The following C1orf21 variants were observed in gnomAD, a reference collection of about 807,000 sequenced individuals.
C1orf21 encodes the protein chromosome 1 open reading frame 21.
In C1orf21, 3 loss-of-function variants were observed where a neutral mutation model predicts 18.7. The observed-to-expected ratio is 0.16, with a 90% CI of 0.07 to 0.42. The LOEUF is 0.42. Ranked by LOEUF, C1orf21 falls within the 10% of genes least tolerant of loss-of-function variation. The probability of loss-of-function intolerance (pLI) is 0.99; values close to 1 mark genes in which losing one functional copy is unlikely to be tolerated. For missense variants in C1orf21, 104 were observed against 143.6 expected, an observed-to-expected ratio of 0.72 and a Z score of 1.41; for synonymous variants, 41 against 46.4, an observed-to-expected ratio of 0.88 and a Z score of 0.47.
chr1:184,437,982 A>G (rs1656884913), intron 1 of C1orf21, among the ~76,000 whole-genome samples: 1 of 152,182 alleles, frequency 6.6e-6, no homozygotes, highest in African/African-American at 2.4e-5. Flanking sequence ...CTCATCTGAC[A>G]GGAGGCAGAA....
intron 1 of C1orf21, among the ~76,000 whole-genome samples, chr1:184,426,281 G>A (rs1317121450): frequency 1.3e-5 from 2 of 152,084 alleles, no homozygotes; most frequent in Non-Finnish European, 2.9e-5. Flanking sequence ...TGATCAGTTC[G>A]TCTGCCAGGA....
At chr1:184,472,697 A>G (rs1657512121) in intron 1 of C1orf21, among the ~76,000 whole-genome samples, 1 of 152,202 alleles carries the variant, frequency 6.6e-6, no homozygotes, top group Non-Finnish European at 1.5e-5. Flanking sequence ...AAAAAAAACT[A>G]AGGTAATGAA....
At chr1:184,519,468 T>C (rs1197451047) in intron 3 of C1orf21, among the ~76,000 whole-genome samples, 1 of 152,194 alleles carries the variant, frequency 6.6e-6, no homozygotes, top group Non-Finnish European at 1.5e-5. Flanking sequence ...TTTTAGATAG[T>C]GGATTTATTT....
At chr1:184,420,552 A>G (rs1656530731) in intron 1 of C1orf21, among the ~76,000 whole-genome samples, 1 of 152,150 alleles carries the variant, frequency 6.6e-6, no homozygotes, top group Non-Finnish European at 1.5e-5. Flanking sequence ...CTAATTTTAG[A>G]TTATTAGGAG....
chr1:184,553,396 A>T, intron 3 of C1orf21, among the ~76,000 whole-genome samples: 1 of 152,202 alleles, frequency 6.6e-6, no homozygotes, highest in South Asian at 2.1e-4. Context: ...TTTTTAACCT[A>T]CAAAAGTGAG....
At chr1:184,544,249 A>T (rs1333736063) in intron 3 of C1orf21, among the ~76,000 whole-genome samples, 1 of 152,186 alleles carries the variant, frequency 6.6e-6, no homozygotes, top group Non-Finnish European at 1.5e-5. Flanking sequence ...TTAATTGCTT[A>T]ATGGGAATTT....
chr1:184,457,173 C>G (rs1657210566), intron 1 of C1orf21, among the ~76,000 whole-genome samples: 1 of 152,008 alleles, frequency 6.6e-6, no homozygotes, highest in South Asian at 2.1e-4. Flanking sequence ...AATATTATAA[C>G]TTAATTCTTA....
At chr1:184,568,764 G>T (rs1659068863) in intron 3 of C1orf21, among the ~76,000 whole-genome samples, 1 of 152,160 alleles carries the variant, frequency 6.6e-6, no homozygotes, top group African/African-American at 2.4e-5. Context: ...TACAATGAAA[G>T]CACCACTCCT....
intron 1 of C1orf21, among the ~76,000 whole-genome samples, chr1:184,424,109 C>T (rs1184331386): frequency 1.3e-5 from 2 of 152,026 alleles, no homozygotes; most frequent in Non-Finnish European, 2.9e-5. Flanking sequence ...CCTACTGGTC[C>T]TACTTTTCTA....
intron 5 of C1orf21, among the ~76,000 whole-genome samples, chr1:184,615,297 G>A (rs1484259450): frequency 6.6e-6 from 1 of 152,192 alleles, no homozygotes; most frequent in African/African-American, 2.4e-5. Context: ...GGTAGGCAAA[G>A]GTTCCTTGGG....
At chr1:184,475,132 A>T (rs374793534) in intron 1 of C1orf21, among the ~76,000 whole-genome samples, 1 of 152,166 alleles carries the variant, frequency 6.6e-6, no homozygotes, top group Non-Finnish European at 1.5e-5. Flanking sequence ...CCTCTTGTCT[A>T]ATATTTCATT....
chr1:184,628,992 ACTTT>A lies in C1orf21; in HGVS notation c.*9439_*9442del, dbSNP rs1172173856. The A allele has an allele frequency of 4.6e-5, 7 of 152,484 alleles. No homozygotes were observed. Among genetic ancestry groups the A allele is most frequent in the Non-Finnish European group, 1.0e-4 (7 of 68,014 alleles). The allele number at this position is 152,484 out of a possible 1,614,324, so 9.4% of individuals were successfully genotyped here. A position where few individuals can be genotyped will look rare whatever the true frequency, so the allele number is the denominator to read the frequency against. ...GTTTATTGTTACATTTTGACATTGGACTTTCTATTAAATAATTTTTAAGAGTTGG... is the reference window on the plus strand; with the variant it reads ...GTTTATTGTTACATTTTGACATTGGACTATTAAATAATTTTTAAGAGTTGG... On this transcript the variant is annotated 3_prime_UTR_variant, in exon 6 of 6. Transcript: ENST00000235307.
At chr1:184,572,399 T>C (rs923292394) in intron 3 of C1orf21, among the ~76,000 whole-genome samples, 1 of 152,212 alleles carries the variant, frequency 6.6e-6, no homozygotes, top group Non-Finnish European at 1.5e-5. Flanking sequence ...ATACATGCTA[T>C]TCTGTTCTGT....
intron 3 of C1orf21, among the ~76,000 whole-genome samples, chr1:184,590,085 G>T (rs976753792): frequency 1.3e-5 from 2 of 152,326 alleles, no homozygotes; most frequent in Non-Finnish European, 2.9e-5. Context: ...ATGCAGAGCA[G>T]TAGTATTATT....
intron 5 of C1orf21, chr1:184,599,425 G>A (rs1659558039): frequency 2.0e-5 from 3 of 152,136 alleles, no homozygotes; most frequent in Admixed American, 6.6e-5. Context: ...GTATTATTTA[G>A]CAGCAGATCC....
intron 2 of C1orf21, among the ~76,000 whole-genome samples, chr1:184,506,737 G>A (rs1207441225): frequency 6.6e-6 from 1 of 152,138 alleles, no homozygotes; most frequent in Admixed American, 6.6e-5. Flanking sequence ...TGATGGAAAT[G>A]TCATCATAGT....
chr1:184,619,663 AAAG>A lies in C1orf21; in HGVS notation c.*112_*114del. Reference sequence around the variant, plus strand: ...CTATTCAGCGAACAGCACTATAGCAAAAGAAGATCGTTCCATATTGTACGCCCC... The same window carrying A: ...CTATTCAGCGAACAGCACTATAGCAAAAGATCGTTCCATATTGTACGCCCC... On this transcript the variant is annotated 3_prime_UTR_variant, in exon 6 of 6. Transcript: ENST00000235307. 5.1e-6 allele frequency: 5 copies of A among 989,780 alleles called. No homozygotes were observed. The highest frequency in any genetic ancestry group is 6.1e-6 in the Non-Finnish European group (4 of 659,236). 61.3% of individuals were successfully genotyped at this position (989,780 alleles called of 1,614,324 possible). A position where few individuals can be genotyped will look rare whatever the true frequency, so the allele number is the denominator to read the frequency against.
At chr1:184,563,302 A>G (rs191176847) in intron 3 of C1orf21, among the ~76,000 whole-genome samples, 2 of 152,220 alleles carry the variant, frequency 1.3e-5, no homozygotes, top group Non-Finnish European at 2.9e-5. Flanking sequence ...ATGCTTCTGC[A>G]TGAATAAAAA....
chr1:184,411,611 A>G (rs1656355860), intron 1 of C1orf21, among the ~76,000 whole-genome samples: 1 of 151,894 alleles, frequency 6.6e-6, no homozygotes, highest in African/African-American at 2.4e-5. Flanking sequence ...TTTAATAGAG[A>G]CAGGGTTTCA....
Sources: allele counts gnomAD v4.1 joint callset (sites outside exome capture counted in the v4.1 genomes callset), GRCh38; gene constraint gnomAD v4.1.1; transcripts MANE v1.5; gene names NCBI Gene and HGNC (gene_info 2026-07-23, HGNC 2026-07-21).